DRC9: variants seen among roughly 807,000 people sequenced by gnomAD.
The protein encoded by DRC9 is dynein regulatory complex protein 9.
the DRC9 span, among the ~76,000 whole-genome samples, chr3:197,897,770 C>CTTT: frequency 1.7e-4 from 21 of 126,376 alleles, no homozygotes; most frequent in African/African-American, 2.2e-4. Context: ...AAGCATAAAC[C>CTTT]TTTTTTTTTT....
chr3:197,927,145 TAAACA>T, the DRC9 span, among the ~76,000 whole-genome samples: 2 of 152,180 alleles, frequency 1.3e-5, no homozygotes, highest in African/African-American at 4.8e-5. Context: ...AATACCAGAA[TAAACA>T]AAACAAAACA....
At chr3:197,944,463 T>A in the DRC9 span, among the ~76,000 whole-genome samples, 1 of 151,680 alleles carries the variant, frequency 6.6e-6, no homozygotes, top group African/African-American at 2.4e-5. Flanking sequence ...ATTTTATTTT[T>A]TTTGAGACAG....
the DRC9 span, among the ~76,000 whole-genome samples, chr3:197,924,600 AC>A: frequency 1.3e-5 from 2 of 151,522 alleles, no homozygotes; most frequent in Admixed American, 1.3e-4. Flanking sequence ...GCTCACTGCA[AC>A]CTCCGCCTCC....
At chr3:197,940,325 A>AT in the DRC9 span, among the ~76,000 whole-genome samples, 13 of 145,350 alleles carry the variant, frequency 8.9e-5, no homozygotes, top group Non-Finnish European at 1.5e-4. Context: ...ATATATATAT[A>AT]ATAATATATT....
At chr3:197,914,793 T>C in the DRC9 span, among the ~76,000 whole-genome samples, 4 of 152,150 alleles carry the variant, frequency 2.6e-5, no homozygotes, top group Non-Finnish European at 4.4e-5. Context: ...CATTAGACTC[T>C]GGAAGGTCTG....
chr3:197,947,469 C>A, the DRC9 span, among the ~76,000 whole-genome samples: 1 of 152,178 alleles, frequency 6.6e-6, no homozygotes, highest in African/African-American at 2.4e-5. Context: ...ACTTTCCTTG[C>A]TCTCTGGGCT....
the DRC9 span, among the ~76,000 whole-genome samples, chr3:197,902,575 T>C: frequency 1.3e-5 from 2 of 152,012 alleles, no homozygotes; most frequent in Admixed American, 6.6e-5. Context: ...AATTGACATA[T>C]TGAAGAAGGC....
the DRC9 span, among the ~76,000 whole-genome samples, chr3:197,903,962 T>C: frequency 6.7e-6 from 1 of 149,440 alleles, no homozygotes; most frequent in Non-Finnish European, 1.5e-5. Flanking sequence ...TCTATGTGTA[T>C]AACATATACA....
the DRC9 span, chr3:197,945,587 T>C: frequency 2.1e-5 from 30 of 1,454,592 alleles, no homozygotes; most frequent in East Asian, 4.3e-4. Context: ...TTTAAATACA[T>C]GTATACAAAA....
chr3:197,925,555 C>G, the DRC9 span, among the ~76,000 whole-genome samples: 1 of 150,886 alleles, frequency 6.6e-6, no homozygotes, highest in Non-Finnish European at 1.5e-5. Context: ...ACGACCCAGG[C>G]CAGCTCTCTA....
the DRC9 span, among the ~76,000 whole-genome samples, chr3:197,904,306 C>A: frequency 6.6e-6 from 1 of 151,688 alleles, no homozygotes; most frequent in African/African-American, 2.4e-5. Context: ...GCTAGCAAGG[C>A]TGTGGAGAAA....
At chr3:197,907,812 T>C in the DRC9 span, among the ~76,000 whole-genome samples, 1 of 150,632 alleles carries the variant, frequency 6.6e-6, no homozygotes, top group Non-Finnish European at 1.5e-5. Context: ...GATGAAGTTA[T>C]CACAGGGGTG....
At chr3:197,913,918 C>T in the DRC9 span, 1 of 1,614,000 alleles carries the variant, frequency 6.2e-7, no homozygotes, top group East Asian at 2.2e-5. Flanking sequence ...TGTTCTGTTA[C>T]ACTTTTTCTG....
chr3:197,930,894 C>G, the DRC9 span, among the ~76,000 whole-genome samples: 2 of 151,666 alleles, frequency 1.3e-5, no homozygotes, highest in African/African-American at 4.8e-5. Context: ...ATTAGCCAGG[C>G]GCAGTGGTGG....
chr3:197,909,158 G>C, the DRC9 span, among the ~76,000 whole-genome samples: 9 of 152,130 alleles, frequency 5.9e-5, no homozygotes, highest in Non-Finnish European at 7.3e-5. Context: ...CAGTAACTTG[G>C]CATGACTATG....
the DRC9 span, among the ~76,000 whole-genome samples, chr3:197,924,359 C>T: frequency 1.3e-5 from 2 of 151,974 alleles, no homozygotes; most frequent in Non-Finnish European, 2.9e-5. Context: ...CAGGGTGAGA[C>T]TCCATCTCAC....
chr3:197,944,801 G>T, the DRC9 span, among the ~76,000 whole-genome samples: 1 of 151,404 alleles, frequency 6.6e-6, no homozygotes, highest in Admixed American at 6.6e-5. Context: ...GACTGGCCTT[G>T]AACTCCTGAC....
the DRC9 span, among the ~76,000 whole-genome samples, chr3:197,929,811 C>T: frequency 3.3e-5 from 5 of 151,654 alleles, no homozygotes; most frequent in African/African-American, 9.7e-5. This position sits in a 1 kb window ranked among gnomAD's most constrained non-coding sequence, Gnocchi z 4.6. Context: ...CAAAACAAAA[C>T]AGAAAAACAG....
the DRC9 span, among the ~76,000 whole-genome samples, chr3:197,902,025 A>G: frequency 1.4e-3 from 210 of 152,288 alleles, 2 homozygotes; most frequent in African/African-American, 4.8e-3. Flanking sequence ...TAGCTCAGCA[A>G]AGAGTTAGAG....
Sources: gnomAD v4.1 joint callset for allele counts (sites outside exome capture counted in the v4.1 genomes callset) on GRCh38, gnomAD v4.1.1 for gene constraint, Gnocchi (gnomAD v3.1) non-coding constraint, MANE v1.5 for transcripts, NCBI Gene and HGNC (gene_info 2026-07-23, HGNC 2026-07-21) for gene names.